Variants in MLIP observed in about 807,000 individuals in gnomAD.
MLIP encodes the protein muscular LMNA interacting protein, also known as muscular LMNA-interacting protein.
A neutral mutation model predicts 84.8 loss-of-function variants in MLIP; 79 were observed. That is an observed-to-expected ratio of 0.93 (90% confidence interval 0.78 to 1.12). The LOEUF is 1.12. MLIP is among the 50% of genes most tolerant of loss of function. MLIP has a pLI of 0.00. For missense variants in MLIP, 1,257 were observed against 1,160.6 expected (o/e 1.08, Z -1.21); for synonymous variants, 504 against 463.0 (o/e 1.09, Z -1.14).
At chr6:54,157,727 C>T (rs1774180817) in intron 5 of MLIP, among the ~76,000 whole-genome samples, 1 of 152,188 alleles carries the variant, frequency 6.6e-6, no homozygotes, top group South Asian at 2.1e-4. Context: ...ATTGAAACAC[C>T]ATGCCAGGAA....
Position 54,111,548 on chromosome 6 carries a change from A to T in MLIP, c.69A>T (p.Leu23Phe), listed in dbSNP as rs953149847. 1 of 1,536,064 alleles carries T rather than the reference A, an allele frequency of 6.5e-7. No homozygotes were observed. Among genetic ancestry groups the T allele is most frequent in the Non-Finnish European group, 8.7e-7 (1 of 1,146,868 alleles). Residue 23 changes from leucine (L) to phenylalanine (F), a missense_variant, in exon 1 of 14, where the codon TTA becomes TTT. Coordinates refer to ENST00000502396, the MANE Select transcript of MLIP (RefSeq NM_001281747.2). ...NNYFQMTSCI[L>F]SGSIQTTPQV... ...ACTTCCAAATGACCTCGTGCATCTT[A>T]TCAGGGAGCATTCAGACCACACCCC...
At chr6:54,218,352 C>T (rs1035176790) in intron 11 of MLIP, among the ~76,000 whole-genome samples, 7 of 152,020 alleles carry the variant, frequency 4.6e-5, no homozygotes, top group African/African-American at 1.7e-4. Context: ...AGACAGGGTA[C>T]TGTGAAAATA....
intron 12 of MLIP, among the ~76,000 whole-genome samples, chr6:54,235,785 T>C (rs571437249): frequency 6.6e-6 from 1 of 152,226 alleles, no homozygotes; most frequent in Admixed American, 6.5e-5. Context: ...TTTCCACAGA[T>C]CTGATGGAGT....
chr6:54,241,630 T>A (rs1781743605), intron 12 of MLIP, among the ~76,000 whole-genome samples: 2 of 152,172 alleles, frequency 1.3e-5, no homozygotes, highest in Admixed American at 6.6e-5. Flanking sequence ...CATAAAGATA[T>A]TTTAAATTAT....
At chr6:54,073,907 C>T (rs935101136) in intron 1 of MLIP, among the ~76,000 whole-genome samples, 7 of 152,188 alleles carry the variant, frequency 4.6e-5, no homozygotes, top group African/African-American at 1.7e-4. Context: ...ATTTTCAAGG[C>T]TTATCAGATC....
intron 2 of MLIP, 127 bp from the exon 3 acceptor site, chr6:54,124,346 T>C: frequency 1.1e-6 from 1 of 926,392 alleles, no homozygotes. Context: ...CCAATCTCTT[T>C]CTTATGTCAA....
In MLIP at chr6:54,138,244, T is replaced by C. The variant is rs1328701122; in HGVS notation, c.2175T>C (p.Cys725=). ...LTRTEELISP[C]ALSMSTGPEN... is the part of the protein sequence containing the mutation. ...GGACAGAGGAGCTGATTTCACCTTG[T>C]GCATTGTCCATGTCAACAGGCCCAG... Residue 725 remains cysteine, a synonymous_variant, in exon 4 of 14, where the codon TGT becomes TGC. Transcript: ENST00000502396. 52 of 1,535,938 alleles carry C rather than the reference T, an allele frequency of 3.4e-5. No homozygotes were observed. The highest frequency in any genetic ancestry group is 4.4e-5 in the Non-Finnish European group (51 of 1,146,860).
chr6:54,246,246 G>A (rs1186591703), intron 12 of MLIP, among the ~76,000 whole-genome samples: 1 of 152,140 alleles, frequency 6.6e-6, no homozygotes, highest in African/African-American at 2.4e-5. Context: ...CAAATGAAGT[G>A]TAAGACCACG....
At chr6:54,184,188 C>T (rs1562029364) in intron 9 of MLIP, among the ~76,000 whole-genome samples, 1 of 152,056 alleles carries the variant, frequency 6.6e-6, no homozygotes, top group South Asian at 2.1e-4. Context: ...AGCTCTTGAA[C>T]TTTGAGAAAG....
chr6:54,072,966 C>G (rs1308826530), intron 1 of MLIP, among the ~76,000 whole-genome samples: 1 of 152,176 alleles, frequency 6.6e-6, no homozygotes, highest in African/African-American at 2.4e-5. Context: ...TTGTGGGAAG[C>G]AGTAGATTTG....
At chr6:54,059,277 G>C (rs1765831455) in intron 1 of MLIP, among the ~76,000 whole-genome samples, 1 of 152,174 alleles carries the variant, frequency 6.6e-6, no homozygotes, top group African/African-American at 2.4e-5. Flanking sequence ...CTTTTACTCA[G>C]TCTTTCACTG....
chr6:54,239,114 G>A (rs1363700805), intron 12 of MLIP, among the ~76,000 whole-genome samples: 2 of 151,844 alleles, frequency 1.3e-5, no homozygotes, highest in Non-Finnish European at 2.9e-5. Flanking sequence ...ATCTGGAGTA[G>A]TCTCTTAAAA....
At chr6:54,227,403 A>G (rs901121073) in intron 11 of MLIP, among the ~76,000 whole-genome samples, 8 of 152,240 alleles carry the variant, frequency 5.3e-5, no homozygotes, top group African/African-American at 1.7e-4. Context: ...TCCAACATCC[A>G]GAAAGAGAAG....
chr6:54,158,292 G>A (rs1031416151), intron 5 of MLIP, among the ~76,000 whole-genome samples: 13 of 152,076 alleles, frequency 8.5e-5, no homozygotes, highest in African/African-American at 3.1e-4. Context: ...AAGGGAACCT[G>A]TAATTCTAAA....
chr6:54,062,832 C>T (rs951429630), intron 1 of MLIP, among the ~76,000 whole-genome samples: 5 of 152,162 alleles, frequency 3.3e-5, no homozygotes, highest in Non-Finnish European at 7.3e-5. Context: ...GAGATCAAGT[C>T]GAGTGCCTAT....
intron 9 of MLIP, among the ~76,000 whole-genome samples, chr6:54,173,572 T>C (rs1775979274): frequency 6.6e-6 from 1 of 151,808 alleles, no homozygotes; most frequent in Admixed American, 6.6e-5. Flanking sequence ...AAATTTCCTT[T>C]CTAAGCAAAT....
At chr6:54,193,482 G>T (rs1245756012) in intron 10 of MLIP, among the ~76,000 whole-genome samples, 4 of 152,142 alleles carry the variant, frequency 2.6e-5, no homozygotes, top group Non-Finnish European at 5.9e-5. Flanking sequence ...GATTATCTAG[G>T]ATCACCAGCA....
intron 11 of MLIP, chr6:54,215,491 A>C (rs527685433): frequency 2.5e-6 from 2 of 805,820 alleles, no homozygotes; most frequent in Admixed American, 4.5e-5. Flanking sequence ...AATTGACAAA[A>C]ATTATACCTA....
chr6:54,045,747 CA>C (rs1765010514), intron 1 of MLIP: 1 of 152,930 alleles, frequency 6.5e-6, no homozygotes, highest in East Asian at 1.9e-4. Context: ...TCTGGCCGTG[CA>C]AAACGTAACT....
Sources: allele counts gnomAD v4.1 joint callset (sites outside exome capture counted in the v4.1 genomes callset), GRCh38; gene constraint gnomAD v4.1.1; transcripts MANE v1.5; gene names NCBI Gene and HGNC (gene_info 2026-07-23, HGNC 2026-07-21).